Variants in HHIPL1 observed in about 807,000 individuals in gnomAD.
HHIPL1 encodes HHIP-like protein 1.
HHIPL1 carries 43 observed loss-of-function variants against 61.8 expected under a neutral mutation model. The ratio of observed to expected loss-of-function variants is 0.70; its 90% confidence interval spans 0.55 to 0.90. The LOEUF (loss-of-function observed/expected upper bound fraction) is 0.90, where lower values mean the gene tolerates loss of function less well. Among genes scored for constraint, HHIPL1 ranks in the 40% least tolerant of loss-of-function variants. HHIPL1 has a pLI of 0.00. For synonymous variants in HHIPL1, 482 were observed against 515.8 expected (o/e 0.93, Z 0.89); for missense variants, 1,056 against 1,157.7 (o/e 0.91, Z 1.28).
In HHIPL1 at chr14:99,679,734, G is replaced by T. The variant is rs929965788; in HGVS notation, c.*4108G>T. On this transcript the variant is annotated 3_prime_UTR_variant, in exon 9 of 9. Coordinates refer to ENST00000330710, the MANE Select transcript of HHIPL1 (RefSeq NM_001127258.3). Reference sequence around the variant, plus strand: ...GTGCATGGCACGTACACTCTAGGTTGCTTCCTAGACAGAAAGCTCAGTTCG... The same window carrying T: ...GTGCATGGCACGTACACTCTAGGTTTCTTCCTAGACAGAAAGCTCAGTTCG... 2.0e-5 allele frequency: 3 copies of T among 152,232 alleles called. No individual in the cohort carries two copies. The East Asian group carries it at 5.8e-4, about 29-fold the overall frequency. The allele number at this position is 152,232 out of a possible 1,614,324, so 9.4% of individuals were successfully genotyped here.
chr14:99,646,832 G>T (rs7493058), intron 1 of HHIPL1, among the ~76,000 whole-genome samples: 1 of 115,004 alleles, frequency 8.7e-6, no homozygotes, highest in Non-Finnish European at 1.8e-5. Flanking sequence ...GATATGATAT[G>T]ATATAATATA....
In HHIPL1 at chr14:99,659,432, G is replaced by C. The variant is rs749860371; in HGVS notation, c.1051G>C (p.Ala351Pro). ...GTFGNAQNKS[A>P]LLGKVLRIDV... is the part of the protein sequence containing the mutation. ...CCTCTCCCACCCCGCCCGCAGGTCG[G>C]CGCTGCTGGGCAAGGTGCTGCGCAT... Residue 351 changes from alanine to proline, a missense_variant, in exon 4 of 9, where the codon GCG becomes CCG. Coordinates refer to ENST00000330710, the MANE Select transcript of HHIPL1 (RefSeq NM_001127258.3). 2.5e-5 allele frequency: 36 copies of C among 1,448,146 alleles called. No homozygotes were observed. The highest frequency in any genetic ancestry group is 3.2e-5 in the Non-Finnish European group (35 of 1,102,026). The allele number at this position is 1,448,146 out of a possible 1,614,324, so 89.7% of individuals were successfully genotyped here.
chr14:99,675,149 G>A lies in HHIPL1; in HGVS notation c.1872G>A (p.Ala624=), dbSNP rs1285809054. Reference sequence around the variant, plus strand: ...CTACAGCGCGGGCGCCCACGCGGGCGCCCCGCCGAGGGCGCCCCACGGCCG... The same window carrying A: ...CTACAGCGCGGGCGCCCACGCGGGCACCCCGCCGAGGGCGCCCCACGGCCG... ...PRPTARAPTR[A]PRRGRPTAAP... Residue 624 remains alanine, a synonymous_variant, in exon 9 of 9, where the codon GCG becomes GCA. Coordinates refer to ENST00000330710, the MANE Select transcript of HHIPL1 (RefSeq NM_001127258.3). The surrounding 1 kb of genome is among the most constrained non-coding windows in gnomAD (Gnocchi z 5.4). 1 of 1,106,716 alleles carries A rather than the reference G, an allele frequency of 9.0e-7. No homozygotes were observed. 68.6% of individuals were successfully genotyped at this position (1,106,716 alleles called of 1,614,324 possible). A position where few individuals can be genotyped will look rare whatever the true frequency, so the allele number is the denominator to read the frequency against.
At chr14:99,609,486 A>G in the HHIPL1 span, among the ~76,000 whole-genome samples, 1 of 152,212 alleles carries the variant, frequency 6.6e-6, no homozygotes, top group African/African-American at 2.4e-5. Context: ...CTGGGCTACA[A>G]AGGATTCTGG....
chr14:99,641,317 A>G (rs2055748485), upstream of HHIPL1, among the ~76,000 whole-genome samples: 2 of 151,980 alleles, frequency 1.3e-5, no homozygotes, highest in Non-Finnish European at 2.9e-5. Flanking sequence ...CACTGGATCT[A>G]GACTTCTAGG....
chr14:99,645,465 G>T lies in HHIPL1; in HGVS notation c.255+3G>T, dbSNP rs921978336. 3.1e-6 allele frequency: 4 copies of T among 1,284,100 alleles called. No homozygotes were observed. The East Asian group carries it at 1.3e-4, about 41-fold the overall frequency. 79.5% of individuals were successfully genotyped at this position (1,284,100 alleles called of 1,614,324 possible). On this transcript the variant is annotated splice_donor_region_variant and intron_variant, in intron 1 of 8. Transcript: ENST00000330710. ...ACGCGAGGGACCTGCTGTGCCAGGT[G>T]AGCGGGCGCGCGGCCACCGGGCGGG...
chr14:99,666,196 G>A (rs1325510760), intron 6 of HHIPL1, among the ~76,000 whole-genome samples: 1 of 152,240 alleles, frequency 6.6e-6, no homozygotes, highest in East Asian at 1.9e-4. Context: ...TCTACGATCT[G>A]CCATGGGAAA....
At chr14:99,665,263 A>G (rs997230149) in intron 6 of HHIPL1, among the ~76,000 whole-genome samples, 12 of 152,130 alleles carry the variant, frequency 7.9e-5, no homozygotes, top group Non-Finnish European at 1.5e-5. Flanking sequence ...AGCTGTGCAG[A>G]AATGTGATTG....
At position 99,652,842 on chromosome 14, in the gene HHIPL1, G is replaced by A. The variant is rs771618810; in HGVS notation, c.874G>A (p.Glu292Lys). ...ISEFRVSEDDENAVDHSSERI... is the reference protein window; with the variant it reads ...ISEFRVSEDDKNAVDHSSERI... ...CGAGTTCAGAGTCTCCGAGGATGAC[G>A]AGAACGCCGTGGACCACAGCTCTGA... The change falls in exon 2 of 9, where the codon GAG becomes AAG. Residue 292 changes from glutamate (E) to lysine (K), a missense_variant. Transcript: ENST00000330710. 3.2e-5 allele frequency: 52 copies of A among 1,613,864 alleles called. No individual in the cohort carries two copies. Among genetic ancestry groups the A allele is most frequent in the African/African-American group, 2.7e-4 (20 of 74,944 alleles).
the HHIPL1 span, among the ~76,000 whole-genome samples, chr14:99,627,110 A>G: frequency 6.6e-6 from 1 of 151,824 alleles, no homozygotes; most frequent in Non-Finnish European, 1.5e-5. This position sits in a 1 kb window ranked among gnomAD's most constrained non-coding sequence, Gnocchi z 4.4. Flanking sequence ...CCAGCTATCC[A>G]TCCGTCCATC....
upstream of HHIPL1, among the ~76,000 whole-genome samples, chr14:99,640,307 T>C (rs1198934497): frequency 6.6e-6 from 1 of 152,198 alleles, no homozygotes; most frequent in Non-Finnish European, 1.5e-5. Flanking sequence ...ATTTTTGAGA[T>C]AGGGTCTTGC....
In HHIPL1 at chr14:99,657,189, T is replaced by TG. The variant is rs747554873; in HGVS notation, c.1046+49dup. The TG allele has an allele frequency of 1.4e-5, 22 of 1,599,444 alleles. 1 individual carries two copies. In the South Asian group the frequency reaches 2.5e-4, roughly 18 times the overall value. On this transcript the variant is annotated intron_variant, in intron 3 of 8. Coordinates refer to ENST00000330710, the MANE Select transcript of HHIPL1 (RefSeq NM_001127258.3). ...GCTTGTGGGTTGGTCTCCATATCCC[T>TG]GGGCTTCTCATACTCTTCCAGAGGG...
the HHIPL1 span, among the ~76,000 whole-genome samples, chr14:99,605,817 G>T: frequency 6.6e-6 from 1 of 152,214 alleles, no homozygotes; most frequent in Middle Eastern, 3.2e-3. Context: ...ATTCCAGGCA[G>T]CAGGAACAGC....
chr14:99,622,014 CAA>C, the HHIPL1 span, among the ~76,000 whole-genome samples: 1 of 152,134 alleles, frequency 6.6e-6, no homozygotes, highest in African/African-American at 2.4e-5. Flanking sequence ...CGCGCCTGGC[CAA>C]AGATTCACTT....
Position 99,678,343 on chromosome 14 carries a change from C to G in HHIPL1, c.*2717C>G, listed in dbSNP as rs919034369. ...AGTGGACAGCTGTTATATGTAAATACTTGTTCCCCGATGCTGGAAAGAAAT... is the reference window on the plus strand; with the variant it reads ...AGTGGACAGCTGTTATATGTAAATAGTTGTTCCCCGATGCTGGAAAGAAAT... On this transcript the variant is annotated 3_prime_UTR_variant, in exon 9 of 9. Coordinates refer to ENST00000330710, the MANE Select transcript of HHIPL1 (RefSeq NM_001127258.3). The G allele has an allele frequency of 1.6e-4, 25 of 152,220 alleles. No homozygotes were observed. Among genetic ancestry groups the G allele is most frequent in the African/African-American group, 5.3e-4 (22 of 41,442 alleles). 9.4% of individuals were successfully genotyped at this position (152,220 alleles called of 1,614,324 possible). A position where few individuals can be genotyped will look rare whatever the true frequency, so the allele number is the denominator to read the frequency against.
chr14:99,633,296 T>A, the HHIPL1 span, among the ~76,000 whole-genome samples: 1 of 152,228 alleles, frequency 6.6e-6, no homozygotes, highest in East Asian at 1.9e-4. Context: ...CACCTTTGCC[T>A]TTCTGCCTTG....
chr14:99,612,532 A>G, the HHIPL1 span, among the ~76,000 whole-genome samples: 1 of 152,234 alleles, frequency 6.6e-6, no homozygotes, highest in Non-Finnish European at 1.5e-5. Context: ...CACAAATACA[A>G]TGTAACATGA....
At chr14:99,647,955 G>A (rs1234860732) in intron 1 of HHIPL1, among the ~76,000 whole-genome samples, 1 of 152,150 alleles carries the variant, frequency 6.6e-6, no homozygotes, top group African/African-American at 2.4e-5. Flanking sequence ...CCCTGTGACT[G>A]GGGTTGCCTC....
chr14:99,621,709 C>CTTTTTTTTTTTTTTTTT, the HHIPL1 span, among the ~76,000 whole-genome samples: 8 of 84,526 alleles, frequency 9.5e-5, 1 homozygote, highest in Non-Finnish European at 1.5e-4. Flanking sequence ...CTTTTCTTTT[C>CTTTTTTTTTTTTTTTTT]TTTTTTTTTT....
Sources: allele counts gnomAD v4.1 joint callset (sites outside exome capture counted in the v4.1 genomes callset), GRCh38; gene constraint gnomAD v4.1.1; non-coding constraint Gnocchi (gnomAD v3.1); transcripts MANE v1.5; gene names NCBI Gene and HGNC (gene_info 2026-07-23, HGNC 2026-07-21).